Variants in KNTC1 observed in about 807,000 individuals in gnomAD.
KNTC1 encodes kinetochore-associated protein 1.
A neutral mutation model predicts 314.4 loss-of-function variants in KNTC1; 253 were observed. The ratio of observed to expected loss-of-function variants is 0.80; its 90% confidence interval spans 0.73 to 0.89. The LOEUF is 0.89. Ranked by LOEUF, KNTC1 falls within the 40% of genes least tolerant of loss-of-function variation. The pLI is 0.00. For missense variants in KNTC1, 2,475 were observed against 2,572.9 expected (o/e 0.96, Z 0.82); for synonymous variants, 901 against 901.4 (o/e 1.00, Z 0.01).
chr12:122,568,308 A>G lies in KNTC1; in HGVS notation c.1652A>G (p.Asp551Gly), dbSNP rs759598806. The change falls in exon 21 of 64, where the codon GAT becomes GGT. Residue 551 changes from aspartate to glycine, a missense_variant. Coordinates refer to ENST00000333479, the MANE Select transcript of KNTC1 (RefSeq NM_014708.6). Reference protein sequence around the residue: ...EFLNNEDDLKDIFLQLKEGNL... With the variant: ...EFLNNEDDLKGIFLQLKEGNL... ...CTAAATAATGAAGATGATCTTAAAG[A>G]TATTTTTTTACAGCTAAAAGAAGGA... The G allele has an allele frequency of 6.3e-7, 1 of 1,594,574 alleles. No individual in the cohort carries two copies. Among genetic ancestry groups the G allele is most frequent in the Non-Finnish European group, 8.6e-7 (1 of 1,163,208 alleles).
At chr12:122,605,935 A>G (rs1351925558) in intron 51 of KNTC1, among the ~76,000 whole-genome samples, 1 of 148,260 alleles carries the variant, frequency 6.7e-6, no homozygotes, top group Non-Finnish European at 1.5e-5. Flanking sequence ...TCGAATTCCT[A>G]GGCTCAAGCA....
At position 122,576,916 on chromosome 12, in the gene KNTC1, A is replaced by T. The variant is rs751189646; in HGVS notation, c.2608A>T (p.Lys870Ter). 1.3e-6 allele frequency: 2 copies of T among 1,590,010 alleles called. No homozygotes were observed. The highest frequency in any genetic ancestry group is 4.5e-5 in the East Asian group (2 of 44,002). ...GCAGAGAGTGGTTAGATACATTCTC[A>T]AACAAGATGTCCCATCTTCTTTAGA... ...EIMRVVRYIL[K>*]QDVPSSLEDA... Residue 870 changes from lysine to a stop codon, truncating the protein, a stop_gained, in exon 30 of 64, where the codon AAA becomes TAA. Transcript: ENST00000333479. LOFTEE classifies it high-confidence loss of function.
chr12:122,614,901 A>G (rs1593685578), intron 55 of KNTC1, 90 bp from the exon 56 acceptor site: 9 of 801,216 alleles, frequency 1.1e-5, no homozygotes, highest in Non-Finnish European at 1.6e-5. Context: ...AAAGCAGCAT[A>G]TTTTGTATTA....
At chr12:122,548,863 G>C (rs1433604218) in intron 12 of KNTC1, among the ~76,000 whole-genome samples, 1 of 152,036 alleles carries the variant, frequency 6.6e-6, no homozygotes, top group Non-Finnish European at 1.5e-5. Flanking sequence ...AGTTACTCGA[G>C]AGGCTGAGAC....
intron 57 of KNTC1, chr12:122,617,384 CT>C (rs1436567495): frequency 4.5e-6 from 2 of 449,098 alleles, no homozygotes; most frequent in Admixed American, 2.4e-5. Context: ...TTTCTTTCCT[CT>C]TTTTTTTCTT....
chr12:122,619,448 T>C (rs1215776313), intron 59 of KNTC1, among the ~76,000 whole-genome samples: 2 of 151,948 alleles, frequency 1.3e-5, no homozygotes, highest in East Asian at 3.9e-4. Context: ...AGTCTTGCTC[T>C]GTCACCCAGG....
Position 122,536,198 on chromosome 12 carries a change from C to T in KNTC1, c.250+1414C>T, listed in dbSNP as rs536013816. Among the ~76,000 whole-genome samples the T allele has an allele frequency of 4.6e-5, 7 of 150,984 alleles. No individual in the cohort carries two copies. In the East Asian group the frequency reaches 5.9e-4, roughly 13 times the overall value. ...GATTATAGGCATGAGCCACGACACC[C>T]GACCCCGAAAGTTTTTTCTTTCTTG... On this transcript the variant is annotated intron_variant, in intron 3 of 63. Coordinates refer to ENST00000333479, the MANE Select transcript of KNTC1 (RefSeq NM_014708.6).
At chr12:122,605,738 G>A (rs1593668040) in intron 51 of KNTC1, among the ~76,000 whole-genome samples, 1 of 151,822 alleles carries the variant, frequency 6.6e-6, no homozygotes, top group African/African-American at 2.4e-5. Flanking sequence ...TAGAGACGGG[G>A]TTTCACCATG....
intron 44 of KNTC1, among the ~76,000 whole-genome samples, chr12:122,598,471 A>C (rs966771723): frequency 2.4e-5 from 3 of 124,466 alleles, no homozygotes; most frequent in African/African-American, 9.5e-5. Flanking sequence ...CCCAGGCTGG[A>C]GTGCAGTGGT....
chr12:122,583,315 A>C (rs970172575), intron 34 of KNTC1, among the ~76,000 whole-genome samples: 2 of 152,078 alleles, frequency 1.3e-5, no homozygotes, highest in East Asian at 3.9e-4. Context: ...GAAAGTAACA[A>C]CTGCCTGATT....
intron 31 of KNTC1, 90 bp from the exon 32 acceptor site, chr12:122,579,815 C>A (rs1965282738): frequency 1.2e-6 from 1 of 846,542 alleles, no homozygotes; most frequent in Non-Finnish European, 1.9e-6. Flanking sequence ...GTTTTTTCTG[C>A]TTCTGTGGTT....
At chr12:122,549,175 C>T (rs546389191) in intron 12 of KNTC1, among the ~76,000 whole-genome samples, 1 of 152,070 alleles carries the variant, frequency 6.6e-6, no homozygotes, top group African/African-American at 2.4e-5. Context: ...GCCTCAGCCT[C>T]CCAAGTAGCT....
intron 51 of KNTC1, among the ~76,000 whole-genome samples, chr12:122,609,046 A>G (rs1228521465): frequency 6.6e-6 from 1 of 152,180 alleles, no homozygotes; most frequent in Non-Finnish European, 1.5e-5. Flanking sequence ...GTGACAGAGC[A>G]AGATCCTGTC....
At chr12:122,590,788 G>T (rs1870086772) in intron 41 of KNTC1, 53 bp downstream of exon 41, 3 of 1,549,588 alleles carry the variant, frequency 1.9e-6, no homozygotes, top group Non-Finnish European at 1.8e-6. Flanking sequence ...AGATTGGGGG[G>T]GAGAAATGAA....
At chr12:122,626,174 A>G in intron 63 of KNTC1, 31 bp from the exon 64 acceptor site, 1 of 1,514,980 alleles carries the variant, frequency 6.6e-7, no homozygotes, top group Non-Finnish European at 9.1e-7. Context: ...AGTGACTTAT[A>G]AAAATCACTT....
intron 40 of KNTC1, among the ~76,000 whole-genome samples, chr12:122,590,307 A>G (rs1870002567): frequency 5.9e-5 from 9 of 152,150 alleles, no homozygotes; most frequent in Admixed American, 5.9e-4. Context: ...AGTGCCCTAT[A>G]GAACTTGTAG....
chr12:122,561,911 T>C lies in KNTC1; in HGVS notation c.1489-10T>C. 6.4e-7 allele frequency: 1 copy of C among 1,560,772 alleles called. No individual in the cohort carries two copies. The highest frequency in any genetic ancestry group is 2.3e-5 in the East Asian group (1 of 44,392). ...TTCTTCTAACTGTATTTCTTATTATTCTTACTTAGCTTTTGAAGAAAGAAG... is the reference window on the plus strand; with the variant it reads ...TTCTTCTAACTGTATTTCTTATTATCCTTACTTAGCTTTTGAAGAAAGAAG... On this transcript the variant is annotated splice_polypyrimidine_tract_variant and intron_variant, in intron 18 of 63. Transcript: ENST00000333479.
chr12:122,534,663 G>A lies in KNTC1; in HGVS notation c.130-1G>A, dbSNP rs774022461. The A allele has an allele frequency of 6.2e-7, 1 of 1,605,202 alleles. No individual in the cohort carries two copies. The highest frequency in any genetic ancestry group is 2.2e-5 in the East Asian group (1 of 44,724). On this transcript the variant is annotated splice_acceptor_variant, in intron 2 of 63. Coordinates refer to ENST00000333479, the MANE Select transcript of KNTC1 (RefSeq NM_014708.6). LOFTEE classifies it high-confidence loss of function. ...TTTCATCATGCTTTTCTCTCCCACA[G>A]GCCTCATTAAATCCAAAGATACAGG...
At chr12:122,548,592 G>T (rs1962961904) in intron 12 of KNTC1, among the ~76,000 whole-genome samples, 1 of 152,132 alleles carries the variant, frequency 6.6e-6, no homozygotes. Flanking sequence ...ACTGTAGAAT[G>T]GACTTCAGGT....
Sources: gnomAD v4.1 joint callset for allele counts (sites outside exome capture counted in the v4.1 genomes callset) on GRCh38, gnomAD v4.1.1 for gene constraint, MANE v1.5 for transcripts, NCBI Gene and HGNC (gene_info 2026-07-23, HGNC 2026-07-21) for gene names.